Variants in NXN observed in about 807,000 individuals in gnomAD.
NXN encodes the protein nucleoredoxin.
In NXN, 16 loss-of-function variants were observed where a neutral mutation model predicts 48.6. The observed-to-expected ratio is 0.33, with a 90% CI of 0.22 to 0.50. The LOEUF (loss-of-function observed/expected upper bound fraction) is 0.50. Among genes scored for constraint, NXN ranks in the 20% least tolerant of loss-of-function variants. The pLI, the probability that NXN is intolerant of heterozygous loss-of-function variation, is 0.98. For synonymous variants in NXN, 281 were observed against 269.6 expected (o/e 1.04, Z -0.41); for missense variants, 492 against 605.5 (o/e 0.81, Z 1.97).
chr17:878,598 A>G (rs1403538919), intron 1 of NXN, among the ~76,000 whole-genome samples: 1 of 152,014 alleles, frequency 6.6e-6, no homozygotes, highest in Non-Finnish European at 1.5e-5. Flanking sequence ...GCTGGCCCAT[A>G]GGGCAGTGAC....
At position 810,125 on chromosome 17, in the gene NXN, G is replaced by GTGGCGTGCACGTTACGAGTCCGTGTGAC. The variant is rs1567810677; in HGVS notation, c.821-4879_821-4878insGTCACACGGACTCGTAACGTGCACGCCA. 1.0e-3 allele frequency among the ~76,000 whole-genome samples: 123 copies of GTGGCGTGCACGTTACGAGTCCGTGTGAC among 118,978 alleles called. 4 individuals carry two copies. Among genetic ancestry groups the GTGGCGTGCACGTTACGAGTCCGTGTGAC allele is most frequent in the African/African-American group, 3.2e-3 (97 of 29,974 alleles). The allele number at this position is 118,978 out of a possible 152,430, so 78.1% of individuals were successfully genotyped here. ...GCGTGCACGTTACGAGTCCGTGTGAGTGGCGTGCACGTTACGAGTCTGTGA... is the reference window on the plus strand; with the variant it reads ...GCGTGCACGTTACGAGTCCGTGTGAGTGGCGTGCACGTTACGAGTCCGTGTGACTGGCGTGCACGTTACGAGTCTGTGA... On this transcript the variant is annotated intron_variant, in intron 5 of 7. Coordinates refer to ENST00000336868, the MANE Select transcript of NXN (RefSeq NM_022463.5).
chr17:809,079 G>A (rs866270807), intron 5 of NXN, among the ~76,000 whole-genome samples: 3 of 152,204 alleles, frequency 2.0e-5, no homozygotes, highest in South Asian at 2.1e-4. Context: ...AGAGTCCTCC[G>A]TGATGGGCTG....
intron 1 of NXN, among the ~76,000 whole-genome samples, chr17:976,733 C>T (rs1324877887): frequency 6.6e-6 from 1 of 151,966 alleles, no homozygotes; most frequent in Non-Finnish European, 1.5e-5. Context: ...GGCATTTGTT[C>T]CACATCTCTT....
intron 1 of NXN, among the ~76,000 whole-genome samples, chr17:973,166 A>G (rs1020243895): frequency 7.2e-5 from 11 of 152,236 alleles, no homozygotes; most frequent in Non-Finnish European, 1.5e-4. Flanking sequence ...ACTCAGAGGC[A>G]GGCCTGAGCT....
At chr17:899,125 T>C (rs186138176) in intron 1 of NXN, among the ~76,000 whole-genome samples, 1 of 152,136 alleles carries the variant, frequency 6.6e-6, no homozygotes, top group African/African-American at 2.4e-5. Flanking sequence ...GCACAGCTAA[T>C]TTTTGTATTT....
At chr17:802,121 G>C (rs532817009) in intron 7 of NXN, among the ~76,000 whole-genome samples, 7 of 152,218 alleles carry the variant, frequency 4.6e-5, no homozygotes, top group Middle Eastern at 3.4e-3. Flanking sequence ...ATTTGTAAGG[G>C]AGCTACTTTT....
chr17:836,477 C>G (rs1913831896), intron 1 of NXN, among the ~76,000 whole-genome samples: 3 of 152,180 alleles, frequency 2.0e-5, no homozygotes, highest in Non-Finnish European at 2.9e-5. Context: ...TAAATGTGCT[C>G]TCACCCTTTC....
At chr17:860,329 G>A (rs2068028919) in intron 1 of NXN, among the ~76,000 whole-genome samples, 1 of 141,272 alleles carries the variant, frequency 7.1e-6, no homozygotes, top group Admixed American at 7.2e-5. Context: ...TCGCCATCCT[G>A]GCCAGGCTGG....
chr17:973,743 G>A (rs1016789844), intron 1 of NXN, among the ~76,000 whole-genome samples: 13 of 151,882 alleles, frequency 8.6e-5, no homozygotes, highest in Non-Finnish European at 1.2e-4. Flanking sequence ...GCCGTGGCCC[G>A]ATCTCAGCTC....
chr17:948,614 T>G (rs1181254587), intron 1 of NXN, among the ~76,000 whole-genome samples: 1 of 151,888 alleles, frequency 6.6e-6, no homozygotes, highest in Admixed American at 6.6e-5. Flanking sequence ...CGACTGAAGA[T>G]CAGCCAGGGG....
At chr17:824,356 G>T (rs1180317652) in intron 2 of NXN, among the ~76,000 whole-genome samples, 1 of 152,190 alleles carries the variant, frequency 6.6e-6, no homozygotes, top group East Asian at 1.9e-4. Context: ...CCTTCCAGGG[G>T]CTTTTGAAAA....
chr17:906,612 G>C (rs1282761812), intron 1 of NXN, among the ~76,000 whole-genome samples: 1 of 151,570 alleles, frequency 6.6e-6, no homozygotes, highest in South Asian at 2.1e-4. Context: ...TGTCACCCAG[G>C]CTGGAGTGCA....
At chr17:910,203 G>T (rs2068622511) in intron 1 of NXN, among the ~76,000 whole-genome samples, 1 of 152,110 alleles carries the variant, frequency 6.6e-6, no homozygotes, top group Non-Finnish European at 1.5e-5. Flanking sequence ...CCTGAGACCA[G>T]GAGACGGAGA....
intron 1 of NXN, among the ~76,000 whole-genome samples, chr17:891,748 A>AACAGGGAACC (rs1376073660): frequency 4.0e-5 from 6 of 151,516 alleles, no homozygotes; most frequent in Admixed American, 1.3e-4. Context: ...TGCACAGCCC[A>AACAGGGAACC]TCAGGGAACC....
chr17:903,592 A>G (rs1054720613), intron 1 of NXN, among the ~76,000 whole-genome samples: 3 of 152,036 alleles, frequency 2.0e-5, no homozygotes, highest in Non-Finnish European at 4.4e-5. Context: ...CTTGTTGCAC[A>G]GGCTGGTCTC....
intron 6 of NXN, 33 bp downstream of exon 6, chr17:805,035 A>ACCCCCCCC: frequency 8.7e-7 from 1 of 1,155,128 alleles, no homozygotes; most frequent in Non-Finnish European, 1.2e-6. Flanking sequence ...CCCCCCAGCC[A>ACCCCCCCC]CCCCTCGCCC....
chr17:903,910 C>CA (rs201529975), intron 1 of NXN, among the ~76,000 whole-genome samples: 3,443 of 152,274 alleles, frequency 0.023, 46 homozygotes, highest in Non-Finnish European at 0.034. Context: ...CCTCACCCCC[C>CA]ACGGGCAGAT....
At chr17:835,082 G>A (rs1040123009) in intron 1 of NXN, among the ~76,000 whole-genome samples, 4 of 151,466 alleles carry the variant, frequency 2.6e-5, no homozygotes, top group Non-Finnish European at 4.4e-5. Flanking sequence ...GCCGAGGCGG[G>A]CGGATCACAA....
chr17:843,265 G>A (rs1196376109), intron 1 of NXN, among the ~76,000 whole-genome samples: 4 of 152,350 alleles, frequency 2.6e-5, no homozygotes, highest in African/African-American at 4.8e-5. Context: ...CAGGGAACGC[G>A]ATCTCATCTG....
Sources: gnomAD v4.1 joint callset for allele counts (sites outside exome capture counted in the v4.1 genomes callset) on GRCh38, gnomAD v4.1.1 for gene constraint, MANE v1.5 for transcripts, NCBI Gene and HGNC (gene_info 2026-07-23, HGNC 2026-07-21) for gene names.